WDR17: variants seen among roughly 807,000 people sequenced by gnomAD.
WDR17 encodes the protein WD repeat domain 17.
In WDR17, 143 loss-of-function variants were observed where a neutral mutation model predicts 161.7. That is an observed-to-expected ratio of 0.88 (90% CI 0.77 to 1.02). WDR17 has a LOEUF of 1.02. Ranked by LOEUF, WDR17 falls within the 50% of genes least tolerant of loss-of-function variation. The pLI is 0.00. For synonymous variants in WDR17, 517 were observed against 515.6 expected (o/e 1.00, Z -0.04); for missense variants, 1,469 against 1,520.9 (o/e 0.97, Z 0.57).
At chr4:176,172,273 A>G in intron 23 of WDR17, 102 bp from the exon 24 acceptor site, 1 of 1,050,856 alleles carries the variant, frequency 9.5e-7, no homozygotes, top group Non-Finnish European at 1.4e-6. Context: ...TAACTTTAAT[A>G]AGAAAACCAT....
intron 1 of WDR17, among the ~76,000 whole-genome samples, chr4:176,083,115 A>G (rs1734966365): frequency 6.6e-6 from 1 of 152,154 alleles, no homozygotes; most frequent in Admixed American, 6.6e-5. Context: ...TATTTTATTC[A>G]TGAGGCACTG....
chr4:176,092,769 C>T (rs78546344), intron 1 of WDR17, among the ~76,000 whole-genome samples: 4,524 of 152,150 alleles, frequency 0.03, 213 homozygotes, highest in African/African-American at 0.1. Flanking sequence ...AGGCTTGATG[C>T]GGTGGCTCAC....
chr4:176,142,813 G>A (rs371194339), intron 11 of WDR17, among the ~76,000 whole-genome samples: 9 of 152,286 alleles, frequency 5.9e-5, no homozygotes, highest in East Asian at 5.8e-4. Flanking sequence ...CAAATCACAC[G>A]TTTTACAAAA....
At chr4:176,087,557 T>A (rs1735573018) in intron 1 of WDR17, among the ~76,000 whole-genome samples, 1 of 152,120 alleles carries the variant, frequency 6.6e-6, no homozygotes, top group Non-Finnish European at 1.5e-5. Flanking sequence ...AAATTTCTCA[T>A]TCTTTATCTC....
At chr4:176,162,199 G>A in intron 21 of WDR17, 25 bp downstream of exon 21, 1 of 1,599,134 alleles carries the variant, frequency 6.3e-7, no homozygotes, top group South Asian at 1.1e-5. Flanking sequence ...ACTGGTTTAT[G>A]TGAATGAAAA....
rs1314550396 is a variant in WDR17, at chr4:176,128,784, A to G, written c.837A>G (p.Thr279=). 3 of 1,606,032 alleles carry G rather than the reference A, an allele frequency of 1.9e-6. No homozygotes were observed. In the African/African-American group the frequency reaches 4.0e-5, roughly 22 times the overall value. The stretch of plus-strand genomic sequence containing the variant: ...GCATTTGGAATGTTTCAAGAACAAC[A>G]CCTATTGATAATCTTAAATTAAAGA... ...VLRIWNVSRT[T]PIDNLKLKKT... is the part of the protein sequence containing the mutation. The change falls in exon 6 of 29, where the codon ACA becomes ACG. Residue 279 remains threonine (T), a synonymous_variant. Transcript: ENST00000508596.
chr4:176,123,675 G>A (rs1239158532), intron 4 of WDR17, among the ~76,000 whole-genome samples: 2 of 152,204 alleles, frequency 1.3e-5, no homozygotes, highest in Non-Finnish European at 2.9e-5. Context: ...GCTGTCTCCA[G>A]GCATGCCGCC....
At chr4:176,150,714 TGAG>T (rs753180978) in intron 16 of WDR17, 121 bp downstream of exon 16, 1 of 974,656 alleles carries the variant, frequency 1.0e-6, no homozygotes, top group Non-Finnish European at 1.4e-6. Flanking sequence ...AAATGAACAC[TGAG>T]GAGATCCATC....
intron 1 of WDR17, among the ~76,000 whole-genome samples, chr4:176,101,656 A>G (rs1737847816): frequency 6.6e-6 from 1 of 152,204 alleles, no homozygotes; most frequent in Non-Finnish European, 1.5e-5. Context: ...AAAGACAGCC[A>G]TGGTATCTGC....
intron 1 of WDR17, among the ~76,000 whole-genome samples, chr4:176,076,242 TATATATATATATAC>T (rs1256458147): frequency 1.3e-5 from 1 of 77,730 alleles, no homozygotes; most frequent in African/African-American, 3.8e-5. Context: ...TATATATATA[TATATATATATATAC>T]ACACACACAC....
intron 26 of WDR17, 100 bp downstream of exon 26, chr4:176,174,818 A>G (rs1429004017): frequency 1.2e-5 from 8 of 647,252 alleles, no homozygotes; most frequent in Non-Finnish European, 2.1e-5. Flanking sequence ...ATATATTATT[A>G]CAAGTATCCA....
At chr4:176,173,183 AAATT>A in intron 24 of WDR17, 80 bp from the exon 25 acceptor site, 1 of 904,876 alleles carries the variant, frequency 1.1e-6, no homozygotes, top group Non-Finnish European at 1.7e-6. Context: ...GACTGACAGA[AAATT>A]AATTATATAA....
chr4:176,156,211 A>G, intron 18 of WDR17, 68 bp downstream of exon 18: 1 of 1,448,304 alleles, frequency 6.9e-7, no homozygotes, highest in Non-Finnish European at 9.5e-7. Flanking sequence ...GCAGTATATA[A>G]ATATGGCAGT....
Position 176,111,406 on chromosome 4 carries a change from A to G in WDR17, c.-6-169A>G, listed in dbSNP as rs1037628648. 12 of 536,558 alleles carry G rather than the reference A, an allele frequency of 2.2e-5. No homozygotes were observed. The African/African-American group carries it at 2.4e-4, about 11-fold the overall frequency. The allele number at this position is 536,558 out of a possible 1,614,324, so 33.2% of individuals were successfully genotyped here. Reference sequence around the variant, plus strand: ...ATTAGTTGCCTTGATGTCTGCAGACATTTAGGGAGTTCAACTGCTGTTCTC... The same window carrying G: ...ATTAGTTGCCTTGATGTCTGCAGACGTTTAGGGAGTTCAACTGCTGTTCTC... On this transcript the variant is annotated intron_variant, in intron 1 of 28. Transcript: ENST00000508596.
intron 1 of WDR17, among the ~76,000 whole-genome samples, chr4:176,091,341 G>T (rs1736098499): frequency 6.6e-6 from 1 of 152,068 alleles, no homozygotes; most frequent in South Asian, 2.1e-4. Context: ...AGTAACAAGA[G>T]AAACTTTGGA....
At chr4:176,120,685 G>T (rs1195846515) in intron 4 of WDR17, among the ~76,000 whole-genome samples, 1 of 151,522 alleles carries the variant, frequency 6.6e-6, no homozygotes, top group Non-Finnish European at 1.5e-5. Flanking sequence ...TGAATTGCTT[G>T]CTTTCCCCTC....
chr4:176,093,734 G>C (rs1175411004), intron 1 of WDR17, among the ~76,000 whole-genome samples: 1 of 151,200 alleles, frequency 6.6e-6, no homozygotes, highest in African/African-American at 2.4e-5. Flanking sequence ...TCAGCTAAAG[G>C]TTTCAACTCT....
intron 1 of WDR17, among the ~76,000 whole-genome samples, chr4:176,084,980 C>T (rs1381743889): frequency 1.3e-5 from 2 of 151,606 alleles, no homozygotes; most frequent in Admixed American, 1.3e-4. Flanking sequence ...TGCGTCACCA[C>T]CACCCTGTTT....
chr4:176,155,623 C>T (rs1301672316), intron 17 of WDR17, among the ~76,000 whole-genome samples: 5 of 140,360 alleles, frequency 3.6e-5, no homozygotes, highest in Non-Finnish European at 7.6e-5. Context: ...CAACTCACTG[C>T]AGCCTTGAAC....
Sources: allele counts gnomAD v4.1 joint callset (sites outside exome capture counted in the v4.1 genomes callset), GRCh38; gene constraint gnomAD v4.1.1; transcripts MANE v1.5; gene names NCBI Gene and HGNC (gene_info 2026-07-23, HGNC 2026-07-21).